The following CELF5 variants were observed in gnomAD, a reference collection of about 807,000 sequenced individuals.
CELF5 encodes CUGBP Elav-like family member 5.
Under a neutral mutation model 54.9 loss-of-function variants are expected in CELF5, and 6 were observed. That is an observed-to-expected ratio of 0.11 (90% CI 0.06 to 0.22). CELF5 has a LOEUF of 0.22. Ranked by LOEUF, CELF5 falls within the 10% of genes least tolerant of loss-of-function variation. The pLI is 1.00. For missense variants in CELF5, 401 were observed against 678.6 expected (o/e 0.59, Z 4.54); for synonymous variants, 271 against 290.9 (o/e 0.93, Z 0.70).
intron 1 of CELF5, among the ~76,000 whole-genome samples, chr19:3,226,284 TG>T: frequency 6.6e-6 from 1 of 152,098 alleles, no homozygotes; most frequent in African/African-American, 2.4e-5. Context: ...AATGAATGAA[TG>T]AATGAATGAA....
At chr19:3,242,856 C>G (rs1227870289) in intron 1 of CELF5, among the ~76,000 whole-genome samples, 1 of 151,976 alleles carries the variant, frequency 6.6e-6, no homozygotes, top group East Asian at 1.9e-4. Context: ...CCCAGCTACT[C>G]AGGAGGCTGA....
chr19:3,245,273 CTG>C (rs113656652), intron 1 of CELF5, among the ~76,000 whole-genome samples: 3 of 131,032 alleles, frequency 2.3e-5, no homozygotes, highest in Non-Finnish European at 4.8e-5. Context: ...GTATGCATCT[CTG>C]TGTGTGTGCG....
intron 2 of CELF5, among the ~76,000 whole-genome samples, chr19:3,270,408 G>C (rs1162395595): frequency 6.6e-6 from 1 of 152,032 alleles, no homozygotes; most frequent in Non-Finnish European, 1.5e-5. Flanking sequence ...AGAGGGAGCC[G>C]GGAGGAGGTG....
intron 1 of CELF5, among the ~76,000 whole-genome samples, chr19:3,241,031 T>C (rs1014192051): frequency 6.6e-6 from 1 of 151,890 alleles, no homozygotes; most frequent in African/African-American, 2.4e-5. Flanking sequence ...GAGATTTGTG[T>C]GCAGTGCATT....
intron 2 of CELF5, among the ~76,000 whole-genome samples, chr19:3,254,891 A>G (rs2079700136): frequency 6.6e-6 from 1 of 151,490 alleles, no homozygotes; most frequent in African/African-American, 2.4e-5. Flanking sequence ...CTGTCCATCC[A>G]TCTACCCTTC....
intron 12 of CELF5, chr19:3,293,699 G>C: frequency 2.0e-6 from 1 of 496,604 alleles, no homozygotes; most frequent in Non-Finnish European, 3.6e-6. Context: ...TGGGAATGGG[G>C]TAGGGACTGA....
chr19:3,250,211 G>T (rs180844171), intron 1 of CELF5, among the ~76,000 whole-genome samples: 1 of 152,302 alleles, frequency 6.6e-6, no homozygotes. Flanking sequence ...GGTTCAGGCC[G>T]GGTGCGGTGG....
At chr19:3,266,351 A>G (rs531900049) in intron 2 of CELF5, among the ~76,000 whole-genome samples, 29 of 151,762 alleles carry the variant, frequency 1.9e-4, no homozygotes, top group Non-Finnish European at 3.8e-4. Context: ...TCCTGAGTCG[A>G]GTCTCACCTC....
chr19:3,236,307 G>A (rs926835749), intron 1 of CELF5, among the ~76,000 whole-genome samples: 1 of 152,184 alleles, frequency 6.6e-6, no homozygotes, highest in African/African-American at 2.4e-5. Context: ...CTGAGTAGGT[G>A]GAGAAGGGAG....
chr19:3,250,947 C>T (rs201296434), intron 1 of CELF5, 38 bp from the exon 2 acceptor site: 1 of 1,502,654 alleles, frequency 6.7e-7, no homozygotes, highest in Non-Finnish European at 9.3e-7. Context: ...ATGGGTGTGC[C>T]CGTGCTCTCT....
chr19:3,254,188 A>G (rs966919456), intron 2 of CELF5, among the ~76,000 whole-genome samples: 4 of 152,120 alleles, frequency 2.6e-5, no homozygotes, highest in Non-Finnish European at 5.9e-5. Flanking sequence ...CCTTCTCTGC[A>G]TCCATCTTGA....
intron 10 of CELF5, among the ~76,000 whole-genome samples, chr19:3,287,470 G>A (rs1261138364): frequency 6.6e-6 from 1 of 150,714 alleles, no homozygotes; most frequent in African/African-American, 2.4e-5. Context: ...TGAGGCAGAA[G>A]AATCTCTTGA....
At chr19:3,271,185 G>T (rs1446028526) in intron 2 of CELF5, among the ~76,000 whole-genome samples, 1 of 151,140 alleles carries the variant, frequency 6.6e-6, no homozygotes, top group Non-Finnish European at 1.5e-5. Flanking sequence ...GGCCAACGGA[G>T]GTGGGGTGGG....
At chr19:3,250,275 T>C (rs769229738) in intron 1 of CELF5, among the ~76,000 whole-genome samples, 1 of 151,966 alleles carries the variant, frequency 6.6e-6, no homozygotes, top group Non-Finnish European at 1.5e-5. Context: ...GATCACGAGG[T>C]CAGGAGATCG....
chr19:3,285,436 C>A (rs945116615), intron 9 of CELF5, among the ~76,000 whole-genome samples: 1 of 151,354 alleles, frequency 6.6e-6, no homozygotes, highest in Non-Finnish European at 1.5e-5. Context: ...TGTGACCCCG[C>A]CCTCTGCTGC....
rs193280653 is a variant in CELF5, at chr19:3,265,569, C to T, written c.343-8303C>T. Among the ~76,000 whole-genome samples, 17 of 152,284 alleles carry T rather than the reference C, an allele frequency of 1.1e-4. No homozygotes were observed. The East Asian group carries it at 2.9e-3, about 26-fold the overall frequency. On this transcript the variant is annotated intron_variant, in intron 2 of 12. Coordinates refer to ENST00000292672, the MANE Select transcript of CELF5 (RefSeq NM_021938.4). ...TTTTTTGAGGCAGTATCTTGAGACA[C>T]TCCCACCCACGCCATGACAGTTTAC...
intron 1 of CELF5, among the ~76,000 whole-genome samples, chr19:3,240,336 T>C (rs1000860773): frequency 6.6e-6 from 1 of 150,938 alleles, no homozygotes; most frequent in Admixed American, 6.6e-5. Flanking sequence ...CTTTCTTTCT[T>C]TTTTTTTGAG....
chr19:3,275,993 CG>C lies in CELF5; in HGVS notation c.523+14del. Reference sequence around the variant, plus strand: ...TGACGGCAGCAGCAAAGGTGACTGGCGGGGGCCGGGGCGGGACTGCGAGAGG... The same window carrying C: ...TGACGGCAGCAGCAAAGGTGACTGGCGGGGCCGGGGCGGGACTGCGAGAGG... On this transcript the variant is annotated intron_variant, in intron 4 of 12. Coordinates refer to ENST00000292672, the MANE Select transcript of CELF5 (RefSeq NM_021938.4). This position sits in a 1 kb window ranked among gnomAD's most constrained non-coding sequence, Gnocchi z 6.7. The C allele has an allele frequency of 1.0e-6, 1 of 991,588 alleles. No individual in the cohort carries two copies. Among genetic ancestry groups the C allele is most frequent in the Non-Finnish European group, 1.2e-6 (1 of 812,238 alleles). 61.4% of individuals were successfully genotyped at this position (991,588 alleles called of 1,614,324 possible).
chr19:3,226,403 C>A (rs1372867351), intron 1 of CELF5, among the ~76,000 whole-genome samples: 1 of 150,204 alleles, frequency 6.7e-6, no homozygotes, highest in Non-Finnish European at 1.5e-5. Context: ...AGGAAAGAAA[C>A]CCCTCCCCAT....
Sources: gnomAD v4.1 joint callset for allele counts (sites outside exome capture counted in the v4.1 genomes callset) on GRCh38, gnomAD v4.1.1 for gene constraint, Gnocchi (gnomAD v3.1) non-coding constraint, MANE v1.5 for transcripts, NCBI Gene and HGNC (gene_info 2026-07-23, HGNC 2026-07-21) for gene names.